ZFHX3: variants seen among roughly 807,000 people sequenced by gnomAD.
The protein encoded by ZFHX3 is zinc finger homeobox protein 3.
Under a neutral mutation model 279.1 loss-of-function variants are expected in ZFHX3, and 42 were observed. The ratio of observed to expected loss-of-function variants is 0.15; its 90% CI spans 0.12 to 0.19. The LOEUF (loss-of-function observed/expected upper bound fraction) is 0.19, where lower values mean the gene tolerates loss of function less well. Among genes scored for constraint, ZFHX3 ranks in the 10% least tolerant of loss-of-function variants. The pLI is 1.00. For missense variants in ZFHX3, 4,981 were observed against 4,754.0 expected (o/e 1.05, Z -1.40); for synonymous variants, 2,293 against 1,957.8 (o/e 1.17, Z -4.52).
intron 1 of ZFHX3, among the ~76,000 whole-genome samples, chr16:72,998,553 G>T (rs1161787322): frequency 6.6e-6 from 1 of 152,174 alleles, no homozygotes; most frequent in East Asian, 1.9e-4. Flanking sequence ...CTAAGCCTGG[G>T]AAAACTGGTA....
Position 73,792,860 on chromosome 16 carries a change from C to CG in ZFHX3, c.-1608+98790_-1608+98791insC, listed in dbSNP as rs895932021. Among the ~76,000 whole-genome samples, 9 of 144,536 alleles carry CG rather than the reference C, an allele frequency of 6.2e-5. No individual in the cohort carries two copies. The East Asian group carries it at 1.5e-3, about 24-fold the overall frequency. The allele number at this position is 144,536 out of a possible 152,430, so 94.8% of individuals were successfully genotyped here. A position where few individuals can be genotyped will look rare whatever the true frequency, so the allele number is the denominator to read the frequency against. ...TGGCCCTTGACCATACAGTGCACCC[C>CG]CCCCCTCCCCTCTCTGCTGTGAACA... On this transcript the variant is annotated intron_variant, in intron 1 of 17. Transcript: ENST00000641206.
chr16:73,194,834 A>C (rs911471035), intron 5 of ZFHX3, among the ~76,000 whole-genome samples: 1 of 152,214 alleles, frequency 6.6e-6, no homozygotes, highest in African/African-American at 2.4e-5. Context: ...ATTCTGGAGA[A>C]ATGGAAGGTC....
intron 2 of ZFHX3, among the ~76,000 whole-genome samples, chr16:73,466,057 G>C (rs1266752119): frequency 1.3e-5 from 2 of 151,950 alleles, no homozygotes; most frequent in African/African-American, 2.4e-5. Context: ...GAAGATTCCA[G>C]TATGAAAAAC....
At chr16:72,851,809 C>A (rs577308883) in intron 4 of ZFHX3, among the ~76,000 whole-genome samples, 14 of 152,242 alleles carry the variant, frequency 9.2e-5, no homozygotes, top group African/African-American at 3.4e-4. Flanking sequence ...CCCCAGCCTC[C>A]CAAAGTGCTG....
At chr16:73,051,498 A>G (rs572135137), upstream of ZFHX3, among the ~76,000 whole-genome samples, 7 of 152,282 alleles carry the variant, frequency 4.6e-5, no homozygotes, top group East Asian at 1.3e-3. Context: ...GTTTTGATTC[A>G]CATTTTTCTG....
intron 2 of ZFHX3, among the ~76,000 whole-genome samples, chr16:73,518,362 G>C (rs764675185): frequency 6.6e-6 from 1 of 152,190 alleles, no homozygotes; most frequent in African/African-American, 2.4e-5. Context: ...ATTTACTTCT[G>C]TTATTTTCCC....
intron 1 of ZFHX3, among the ~76,000 whole-genome samples, chr16:73,784,181 T>C (rs1044933530): frequency 6.6e-6 from 1 of 152,148 alleles, no homozygotes; most frequent in Non-Finnish European, 1.5e-5. Context: ...TACAAAGCTA[T>C]GTGACTTGAG....
chr16:73,485,705 G>A (rs1233657677), intron 2 of ZFHX3, among the ~76,000 whole-genome samples: 2 of 152,076 alleles, frequency 1.3e-5, no homozygotes, highest in African/African-American at 2.4e-5. Context: ...TACTCCCTCT[G>A]CCCGCTGGAT....
chr16:73,044,864 G>A (rs2144711515), intron 1 of ZFHX3, among the ~76,000 whole-genome samples: 1 of 152,216 alleles, frequency 6.6e-6, no homozygotes, highest in Middle Eastern at 3.4e-3. Context: ...CAAGTGATCT[G>A]CCTGCCTCAG....
chr16:73,631,252 T>G (rs2052466104), intron 2 of ZFHX3, among the ~76,000 whole-genome samples: 1 of 152,214 alleles, frequency 6.6e-6, no homozygotes, highest in Non-Finnish European at 1.5e-5. Flanking sequence ...CAGTGTTACC[T>G]GAGAATATTA....
intron 1 of ZFHX3, among the ~76,000 whole-genome samples, chr16:73,785,640 G>A (rs532980654): frequency 1.3e-5 from 2 of 152,154 alleles, no homozygotes; most frequent in African/African-American, 4.8e-5. Flanking sequence ...TGGGTGCAGG[G>A]TAAATCCTAC....
At chr16:72,920,631 T>C (rs559312586) in intron 3 of ZFHX3, among the ~76,000 whole-genome samples, 12 of 151,834 alleles carry the variant, frequency 7.9e-5, no homozygotes, top group East Asian at 1.9e-4. Flanking sequence ...GATGGCACCA[T>C]TGCACTCCAG....
At chr16:73,003,258 A>T (rs1963561724) in intron 1 of ZFHX3, among the ~76,000 whole-genome samples, 1 of 151,256 alleles carries the variant, frequency 6.6e-6, no homozygotes. Context: ...GGGTTTCCTT[A>T]TTACAAATGG....
At chr16:73,143,400 G>A (rs372543035) in intron 6 of ZFHX3, among the ~76,000 whole-genome samples, 1 of 152,254 alleles carries the variant, frequency 6.6e-6, no homozygotes, top group African/African-American at 2.4e-5. Context: ...ACATAGTAGG[G>A]TGGGTGAAAT....
At chr16:72,956,222 A>G (rs575013629) in intron 2 of ZFHX3, among the ~76,000 whole-genome samples, 2 of 152,366 alleles carry the variant, frequency 1.3e-5, no homozygotes, top group East Asian at 3.9e-4. Flanking sequence ...CCAACTGCTG[A>G]GGCCTGGCCC....
chr16:73,771,593 C>A (rs1046293870), intron 1 of ZFHX3, among the ~76,000 whole-genome samples: 4 of 152,180 alleles, frequency 2.6e-5, no homozygotes, highest in Admixed American at 2.6e-4. Context: ...AAGGCAGATT[C>A]TGGCTCTATC....
At chr16:73,685,306 A>G (rs1453544017) in intron 1 of ZFHX3, among the ~76,000 whole-genome samples, 3 of 152,104 alleles carry the variant, frequency 2.0e-5, no homozygotes, top group East Asian at 1.9e-4. Flanking sequence ...GTGAGCCACC[A>G]CGCTCAGCCC....
chr16:73,510,267 C>A (rs1597364043), intron 2 of ZFHX3, among the ~76,000 whole-genome samples: 1 of 152,082 alleles, frequency 6.6e-6, no homozygotes, highest in African/African-American at 2.4e-5. Flanking sequence ...TTCTTGTTGT[C>A]TTTTGCCTCA....
rs1456692475 is a variant in ZFHX3 at position 72,883,364 on chromosome 16, C to T, written c.3448+6367G>A. Among the ~76,000 whole-genome samples the T allele has an allele frequency of 3.3e-5, 5 of 152,238 alleles. No homozygotes were observed. The East Asian group carries it at 9.7e-4, about 29-fold the overall frequency. ...ATGAACAAAAGACAACCAAGATTTACTTCTTCGTAGCCTGTTAGTGATTCT... is the reference window on the plus strand; with the variant it reads ...ATGAACAAAAGACAACCAAGATTTATTTCTTCGTAGCCTGTTAGTGATTCT... On this transcript the variant is annotated intron_variant, in intron 4 of 9. Transcript: ENST00000268489.
Sources: gnomAD v4.1 joint callset for allele counts (sites outside exome capture counted in the v4.1 genomes callset) on GRCh38, gnomAD v4.1.1 for gene constraint, MANE v1.5 for transcripts, NCBI Gene and HGNC (gene_info 2026-07-23, HGNC 2026-07-21) for gene names.